Variants in KCNIP1 observed in about 807,000 individuals in gnomAD.
KCNIP1 encodes A-type potassium channel modulatory protein KCNIP1.
KCNIP1 carries 18 observed loss-of-function variants against 33.0 expected under a neutral mutation model. The ratio of observed to expected loss-of-function variants is 0.55; its 90% CI spans 0.38 to 0.81. The LOEUF (loss-of-function observed/expected upper bound fraction) is 0.81, where lower values mean the gene tolerates loss of function less well. KCNIP1 is among the 30% of genes least tolerant of loss of function. KCNIP1 has a pLI of 0.00. For synonymous variants in KCNIP1, 93 were observed against 98.3 expected (o/e 0.95, Z 0.32); for missense variants, 238 against 271.6 (o/e 0.88, Z 0.87).
chr5:170,417,169 A>G (rs902819288), intron 1 of KCNIP1, among the ~76,000 whole-genome samples: 2 of 152,238 alleles, frequency 1.3e-5, no homozygotes, highest in South Asian at 2.1e-4. Context: ...GTTTGTATGT[A>G]CCAACATAAA....
chr5:170,383,348 C>T, intron 1 of KCNIP1: 2 of 581,538 alleles, frequency 3.4e-6, no homozygotes, highest in East Asian at 2.8e-5. Flanking sequence ...ATCCACTCAG[C>T]ATCAAGCGTG....
intron 1 of KCNIP1, among the ~76,000 whole-genome samples, chr5:170,585,113 C>T (rs180747849): frequency 4.3e-4 from 65 of 151,640 alleles, no homozygotes; most frequent in Admixed American, 3.5e-3. Context: ...GCTAAGAAGT[C>T]GCAAAGCCAG....
At chr5:170,470,341 A>G (rs1440457464) in intron 1 of KCNIP1, among the ~76,000 whole-genome samples, 2 of 151,896 alleles carry the variant, frequency 1.3e-5, no homozygotes, top group Non-Finnish European at 2.9e-5. Context: ...CAGAATCAAC[A>G]TGCCTGTAAC....
chr5:170,467,311 C>T (rs1756629002), intron 1 of KCNIP1, among the ~76,000 whole-genome samples: 1 of 152,062 alleles, frequency 6.6e-6, no homozygotes. Flanking sequence ...ATTGTCCAAG[C>T]TGAGAGGAAA....
intron 1 of KCNIP1, among the ~76,000 whole-genome samples, chr5:170,390,372 G>A (rs1410692031): frequency 6.6e-6 from 1 of 151,198 alleles, no homozygotes; most frequent in African/African-American, 2.4e-5. Flanking sequence ...CGGGCATAGT[G>A]GTGCATGCCT....
At chr5:170,620,206 G>C (rs1484261796) in intron 1 of KCNIP1, among the ~76,000 whole-genome samples, 1 of 152,188 alleles carries the variant, frequency 6.6e-6, no homozygotes, top group African/African-American at 2.4e-5. Flanking sequence ...ATGTTGATGT[G>C]TCTTCCAACA....
intron 1 of KCNIP1, among the ~76,000 whole-genome samples, chr5:170,638,975 C>T (rs993617262): frequency 2.6e-5 from 4 of 152,224 alleles, no homozygotes. Context: ...AATTCCTCCG[C>T]AGCAGGAGCA....
chr5:170,497,239 T>C (rs1227686654), intron 1 of KCNIP1, among the ~76,000 whole-genome samples: 1 of 152,172 alleles, frequency 6.6e-6, no homozygotes, highest in Non-Finnish European at 1.5e-5. Context: ...CCTGCCTTTT[T>C]CATGAGCCTT....
chr5:170,600,086 C>A (rs992331329), intron 1 of KCNIP1, among the ~76,000 whole-genome samples: 15 of 152,198 alleles, frequency 9.9e-5, no homozygotes, highest in Non-Finnish European at 1.8e-4. Context: ...TCAGGGTCAC[C>A]CCTTCAGATG....
intron 1 of KCNIP1, among the ~76,000 whole-genome samples, chr5:170,568,675 T>TAAAAAAAAAAAAAAAAAAAA (rs1757290103): frequency 5.5e-5 from 1 of 18,056 alleles, no homozygotes; most frequent in Non-Finnish European, 2.6e-4. Flanking sequence ...AAAAAAAAAT[T>TAAAAAAAAAAAAAAAAAAAA]AGCCAAGCAT....
chr5:170,506,980 G>T (rs563926871), intron 1 of KCNIP1, among the ~76,000 whole-genome samples: 1 of 152,370 alleles, frequency 6.6e-6, no homozygotes, highest in East Asian at 1.9e-4. Context: ...GGAGGCTAGT[G>T]GTCAGGGAGC....
At chr5:170,639,845 C>T (rs1425236728) in intron 1 of KCNIP1, among the ~76,000 whole-genome samples, 1 of 152,210 alleles carries the variant, frequency 6.6e-6, no homozygotes, top group Non-Finnish European at 1.5e-5. Context: ...ACTCCCTCCC[C>T]CTGACAAAAA....
At chr5:170,550,618 A>G (rs764799816) in intron 1 of KCNIP1, among the ~76,000 whole-genome samples, 1 of 151,980 alleles carries the variant, frequency 6.6e-6, no homozygotes, top group Admixed American at 6.6e-5. Flanking sequence ...GATGACAATG[A>G]TGGTGATGAT....
intron 1 of KCNIP1, among the ~76,000 whole-genome samples, chr5:170,362,846 G>A (rs1256478429): frequency 6.6e-6 from 1 of 152,196 alleles, no homozygotes; most frequent in Non-Finnish European, 1.5e-5. Flanking sequence ...AGGCTGGGCC[G>A]AGCCCAGGCT....
chr5:170,692,578 C>T (rs2113818194), intron 1 of KCNIP1, among the ~76,000 whole-genome samples: 1 of 152,308 alleles, frequency 6.6e-6, no homozygotes, highest in Middle Eastern at 3.4e-3. Context: ...CCCTGTGTGA[C>T]CCTGGGAATC....
intron 1 of KCNIP1, among the ~76,000 whole-genome samples, chr5:170,647,680 T>A (rs2113713630): frequency 6.6e-6 from 1 of 151,898 alleles, no homozygotes; most frequent in East Asian, 1.9e-4. Flanking sequence ...ACTCCTAGAA[T>A]ATAACATGGA....
At chr5:170,434,159 A>AT (rs1016027846) in intron 1 of KCNIP1, among the ~76,000 whole-genome samples, 12 of 152,246 alleles carry the variant, frequency 7.9e-5, no homozygotes, top group African/African-American at 2.2e-4. Flanking sequence ...TTGAGCCTCA[A>AT]TTTTTTGTTT....
At chr5:170,478,004 A>T (rs563181210) in intron 1 of KCNIP1, among the ~76,000 whole-genome samples, 4 of 152,290 alleles carry the variant, frequency 2.6e-5, no homozygotes, top group African/African-American at 9.6e-5. Context: ...GGGAGGTGTC[A>T]GGGGAGGGTT....
intron 3 of KCNIP1, 23 bp downstream of exon 3, chr5:170,720,413 T>G: frequency 6.3e-7 from 1 of 1,578,312 alleles, no homozygotes; most frequent in Non-Finnish European, 8.7e-7. Context: ...TTGAAATCTA[T>G]CTTGCCCAGC....
Sources: gnomAD v4.1 joint callset for allele counts (sites outside exome capture counted in the v4.1 genomes callset) on GRCh38, gnomAD v4.1.1 for gene constraint, MANE v1.5 for transcripts, NCBI Gene and HGNC (gene_info 2026-07-23, HGNC 2026-07-21) for gene names.